Variants in GABRG3 observed in about 807,000 individuals in gnomAD.
GABRG3 encodes the protein gamma-aminobutyric acid receptor subunit gamma-3.
A neutral mutation model predicts 48.8 loss-of-function variants in GABRG3; 25 were observed. That is an observed-to-expected ratio of 0.51 (90% CI 0.37 to 0.72). GABRG3 has a LOEUF of 0.72. GABRG3 is among the 30% of genes least tolerant of loss of function. The probability of loss-of-function intolerance (pLI) is 0.00; values close to 1 mark genes in which losing one functional copy is unlikely to be tolerated. For missense variants in GABRG3, 394 were observed against 577.9 expected (o/e 0.68, Z 3.26); for synonymous variants, 227 against 217.6 (o/e 1.04, Z -0.38).
chr15:26,973,740 C>A (rs999662055), intron 1 of GABRG3, among the ~76,000 whole-genome samples: 1 of 152,200 alleles, frequency 6.6e-6, no homozygotes. Flanking sequence ...CCTTTTAATG[C>A]TTAAAAATAC....
chr15:27,510,813 C>A (rs1237423532), intron 6 of GABRG3, among the ~76,000 whole-genome samples: 1 of 152,144 alleles, frequency 6.6e-6, no homozygotes, highest in Non-Finnish European at 1.5e-5. Context: ...CGTTACTTTA[C>A]GGTTAAACAG....
At chr15:27,006,923 C>T (rs7174009) in intron 2 of GABRG3, among the ~76,000 whole-genome samples, 3 of 151,040 alleles carry the variant, frequency 2.0e-5, no homozygotes, top group Non-Finnish European at 4.4e-5. Flanking sequence ...ACTGCAGCCT[C>T]GAACTCCTGG....
At chr15:27,338,971 T>G (rs775546580) in intron 5 of GABRG3, among the ~76,000 whole-genome samples, 1 of 152,218 alleles carries the variant, frequency 6.6e-6, no homozygotes, top group Non-Finnish European at 1.5e-5. Flanking sequence ...GTCTTCTGCC[T>G]ACTGCCTAAG....
At chr15:27,185,794 T>C (rs1888073738) in intron 3 of GABRG3, among the ~76,000 whole-genome samples, 6 of 152,114 alleles carry the variant, frequency 3.9e-5, no homozygotes, top group Admixed American at 3.9e-4. Context: ...TCCATTTGTG[T>C]CACTAGTAAT....
chr15:27,455,667 ATG>A (rs1889250756), intron 5 of GABRG3, among the ~76,000 whole-genome samples: 1 of 72,686 alleles, frequency 1.4e-5, no homozygotes, highest in African/African-American at 6.1e-5. Flanking sequence ...GTGTGTGTGT[ATG>A]TGTGCTGTGT....
intron 2 of GABRG3, among the ~76,000 whole-genome samples, chr15:26,985,589 G>A (rs59299812): frequency 0.06 from 9,130 of 152,214 alleles, 316 homozygotes; most frequent in East Asian, 0.18. Flanking sequence ...GGGAGCACTG[G>A]TCACAGATGG....
At chr15:27,498,922 C>T (rs1043513477) in intron 6 of GABRG3, among the ~76,000 whole-genome samples, 1 of 152,178 alleles carries the variant, frequency 6.6e-6, no homozygotes, top group Non-Finnish European at 1.5e-5. Flanking sequence ...CCACTCTGTC[C>T]AGAAGGCTTG....
rs76364643 is a variant in GABRG3 at position 27,520,020 on chromosome 15, G to T, written c.761G>T (p.Gly254Val). The change falls in exon 7 of 10, where the codon GGA (glycine) becomes GTA (valine). Residue 254 changes from glycine (G) to valine (V), a missense_variant. By Grantham distance (109) the Gly-to-Val change is moderately radical. This residue lies in a region of GABRG3 where 50 missense variants were observed against 112.5 expected (regional missense o/e 0.44). Transcript: ENST00000615808. ...TIYFELSRRM[G>V]YFTIQTYIPC... ...TATTTTGAATTGAGTAGAAGAATGG[G>T]ATACTTCACCATTCAGACATACATT... is the stretch of plus-strand genomic sequence containing the variant. 6.3e-7 allele frequency: 1 copy of T among 1,582,022 alleles called. No individual in the cohort carries two copies. Among genetic ancestry groups the T allele is most frequent in the Non-Finnish European group, 8.6e-7 (1 of 1,160,348 alleles).
intron 3 of GABRG3, among the ~76,000 whole-genome samples, chr15:27,306,554 TATA>T (rs1001704657): frequency 2.1e-5 from 1 of 47,380 alleles, no homozygotes; most frequent in East Asian, 2.8e-4. Context: ...TATAAACATA[TATA>T]ATATAAACAT....
chr15:27,473,880 T>C (rs556595589), intron 5 of GABRG3, among the ~76,000 whole-genome samples: 1 of 152,340 alleles, frequency 6.6e-6, no homozygotes, highest in South Asian at 2.1e-4. Context: ...ACCATGAAGT[T>C]AACACAAAGT....
At chr15:27,187,046 A>T (rs1888119389) in intron 3 of GABRG3, among the ~76,000 whole-genome samples, 1 of 142,950 alleles carries the variant, frequency 7.0e-6, no homozygotes, top group Admixed American at 7.3e-5. Context: ...GGATTTTTAT[A>T]GTTTGAGGTC....
chr15:26,994,040 A>T (rs1895294214), intron 2 of GABRG3, among the ~76,000 whole-genome samples: 1 of 151,890 alleles, frequency 6.6e-6, no homozygotes, highest in African/African-American at 2.4e-5. Flanking sequence ...TTAGGTTTCC[A>T]TTGGCATGGA....
chr15:27,101,670 C>T (rs4432243), intron 3 of GABRG3, among the ~76,000 whole-genome samples: 39,167 of 151,624 alleles, frequency 0.26, 5,873 homozygotes, highest in African/African-American at 0.4. Context: ...AAGAGCAATT[C>T]AATGGAGGAA....
intron 3 of GABRG3, among the ~76,000 whole-genome samples, chr15:27,320,975 A>G (rs1201739861): frequency 6.6e-6 from 1 of 152,032 alleles, no homozygotes; most frequent in African/African-American, 2.4e-5. Flanking sequence ...ACAGGGCGTC[A>G]CCCCCTGCTA....
intron 6 of GABRG3, among the ~76,000 whole-genome samples, chr15:27,514,605 G>T (rs8042799): frequency 7.9e-5 from 12 of 152,066 alleles, no homozygotes. Context: ...CATCTTTGCC[G>T]TATAAAGAAA....
intron 3 of GABRG3, among the ~76,000 whole-genome samples, chr15:27,308,692 TATAATGTAAACATACGTTTATATGTAAAC>T (rs1204941265): frequency 1.1e-4 from 16 of 149,156 alleles, no homozygotes; most frequent in Middle Eastern, 0.01. Context: ...TGTATAAACA[TATAATGTAAACATACGTTTATATGTAAAC>T]ATAATGTAAA....
At chr15:27,026,162 G>T (rs1339169163) in intron 2 of GABRG3, among the ~76,000 whole-genome samples, 2 of 152,184 alleles carry the variant, frequency 1.3e-5, no homozygotes, top group Non-Finnish European at 2.9e-5. Context: ...TGTGTTTTGA[G>T]TTGGATTTAA....
chr15:27,010,958 G>A (rs1453701864), intron 2 of GABRG3, among the ~76,000 whole-genome samples: 1 of 152,090 alleles, frequency 6.6e-6, no homozygotes, highest in East Asian at 1.9e-4. Flanking sequence ...CGATTCTCCT[G>A]CCTCAGCCTC....
rs182332150 is a variant in GABRG3, at chr15:27,281,144, C to T, written c.271-45665C>T. On this transcript the variant is annotated intron_variant, in intron 3 of 9. Coordinates refer to ENST00000615808, the MANE Select transcript of GABRG3 (RefSeq NM_033223.5). ...TCTTATGCTTTTCTGTTGATTAATG[C>T]TTGCATGATATATCCTTATCATCCT... Among the ~76,000 whole-genome samples the T allele has an allele frequency of 3.3e-5, 5 of 152,212 alleles. No homozygotes were observed. The East Asian group carries it at 7.7e-4, about 23-fold the overall frequency.
Sources: allele counts gnomAD v4.1 joint callset (sites outside exome capture counted in the v4.1 genomes callset), GRCh38; gene constraint gnomAD v4.1.1; regional missense constraint gnomAD v4.1.1; transcripts MANE v1.5; gene names NCBI Gene and HGNC (gene_info 2026-07-23, HGNC 2026-07-21).